The following PGM5 variants were observed in gnomAD, a reference collection of about 807,000 sequenced individuals.
PGM5 encodes the protein phosphoglucomutase-like protein 5.
In PGM5, 23 loss-of-function variants were observed where a neutral mutation model predicts 59.2. The observed-to-expected ratio is 0.39, with a 90% CI of 0.28 to 0.55. The LOEUF (loss-of-function observed/expected upper bound fraction) is 0.55. Ranked by LOEUF, PGM5 falls within the 20% of genes least tolerant of loss-of-function variation. PGM5 has a pLI of 0.66. For synonymous variants in PGM5, 214 were observed against 286.0 expected, an observed-to-expected ratio of 0.75 and a Z score of 2.54; for missense variants, 574 against 748.3, an observed-to-expected ratio of 0.77 and a Z score of 2.72.
At chr9:68,472,137 G>T (rs552473498) in intron 7 of PGM5, among the ~76,000 whole-genome samples, 2 of 152,224 alleles carry the variant, frequency 1.3e-5, no homozygotes, top group South Asian at 4.1e-4. Flanking sequence ...AGTGCCTCCT[G>T]TACTTTATTT....
At chr9:68,413,638 A>G (rs180715321) in intron 6 of PGM5, among the ~76,000 whole-genome samples, 1 of 152,230 alleles carries the variant, frequency 6.6e-6, no homozygotes, top group African/African-American at 2.4e-5. Flanking sequence ...GCATTCTTAT[A>G]TCAGTGCATC....
chr9:68,408,214 T>C (rs1197085416), intron 6 of PGM5, among the ~76,000 whole-genome samples: 1 of 152,128 alleles, frequency 6.6e-6, no homozygotes, highest in Non-Finnish European at 1.5e-5. Context: ...TAAGGTCGTT[T>C]GGATTTAAAG....
intron 7 of PGM5, chr9:68,466,338 C>G: frequency 2.6e-6 from 1 of 391,380 alleles, no homozygotes; most frequent in Non-Finnish European, 4.0e-6. Flanking sequence ...TGAAATTCCC[C>G]ATCTGTTTAT....
At chr9:68,462,585 G>C (rs1487030711) in intron 6 of PGM5, among the ~76,000 whole-genome samples, 6 of 152,030 alleles carry the variant, frequency 3.9e-5, no homozygotes, top group Non-Finnish European at 8.8e-5. Flanking sequence ...TGATTAATTG[G>C]AAAGGGTGGG....
chr9:68,424,054 C>T (rs1823192892), intron 6 of PGM5, among the ~76,000 whole-genome samples: 1 of 152,186 alleles, frequency 6.6e-6, no homozygotes, highest in Non-Finnish European at 1.5e-5. Context: ...GAACTCCTCT[C>T]TCCTCTCTAT....
At chr9:68,368,452 G>A (rs1554676884) in intron 1 of PGM5, among the ~76,000 whole-genome samples, 2 of 151,728 alleles carry the variant, frequency 1.3e-5, no homozygotes, top group East Asian at 1.9e-4. Context: ...CACAGATGGG[G>A]ACAATCAAAG....
At chr9:68,367,037 G>A (rs1387095048) in intron 1 of PGM5, among the ~76,000 whole-genome samples, 1 of 151,970 alleles carries the variant, frequency 6.6e-6, no homozygotes, top group Non-Finnish European at 1.5e-5. Context: ...AGGCTGAGGT[G>A]GCGACTGTTG....
intron 10 of PGM5, among the ~76,000 whole-genome samples, chr9:68,502,334 G>C (rs1554688715): frequency 6.6e-6 from 1 of 152,154 alleles, no homozygotes; most frequent in Non-Finnish European, 1.5e-5. Flanking sequence ...GAGCCAAAAG[G>C]GTTTAAAATC....
At chr9:68,512,674 C>G (rs760835053) in intron 10 of PGM5, among the ~76,000 whole-genome samples, 4 of 152,176 alleles carry the variant, frequency 2.6e-5, no homozygotes, top group Admixed American at 6.5e-5. Context: ...CCCTAATGAT[C>G]TCATTTTAAC....
intron 6 of PGM5, among the ~76,000 whole-genome samples, chr9:68,413,273 G>C (rs1250173311): frequency 6.6e-6 from 1 of 152,032 alleles, no homozygotes; most frequent in African/African-American, 2.4e-5. Flanking sequence ...AATTACGAGT[G>C]TAACAGTTCT....
intron 1 of PGM5, among the ~76,000 whole-genome samples, chr9:68,372,555 G>C (rs1821763605): frequency 6.6e-6 from 1 of 152,144 alleles, no homozygotes; most frequent in Non-Finnish European, 1.5e-5. Context: ...AGCCAGGTCA[G>C]CCTTGGTGAG....
At chr9:68,520,526 T>G (rs1401256787) in intron 10 of PGM5, among the ~76,000 whole-genome samples, 1 of 152,138 alleles carries the variant, frequency 6.6e-6, no homozygotes, top group Non-Finnish European at 1.5e-5. Context: ...CCACGCAACA[T>G]CAACTCAACG....
chr9:68,402,973 G>T (rs572138678), intron 6 of PGM5, among the ~76,000 whole-genome samples: 1 of 152,308 alleles, frequency 6.6e-6, no homozygotes, highest in East Asian at 1.9e-4. Flanking sequence ...TACCTGTCAT[G>T]CTGAGGGAAA....
chr9:68,483,803 A>G (rs1200520338), intron 8 of PGM5, 62 bp from the exon 9 acceptor site: 1 of 1,476,780 alleles, frequency 6.8e-7, no homozygotes, highest in Non-Finnish European at 9.4e-7. Context: ...AAATAACTGT[A>G]AGTGGGCCAC....
At chr9:68,511,853 G>C (rs1166333681) in intron 10 of PGM5, among the ~76,000 whole-genome samples, 1 of 152,164 alleles carries the variant, frequency 6.6e-6, no homozygotes, top group African/African-American at 2.4e-5. Context: ...CAATTGACTT[G>C]TCCTTTTCCC....
chr9:68,465,035 GA>G (rs3834885), intron 6 of PGM5, 57 bp from the exon 7 acceptor site: 72,388 of 1,106,332 alleles, frequency 0.065, 5,812 homozygotes, highest in African/African-American at 0.37. Context: ...ACTGTGCTGA[GA>G]AAAAAAAACA....
rs942611971 is a variant in PGM5 at position 68,479,657 on chromosome 9, G to T, written c.1295+104G>T. The stretch of plus-strand genomic sequence containing the variant: ...AACCTTAAAAAGGAGGCATCAGGCC[G>T]GGCGCGGTGGCTCACGCCTGTAATC... On this transcript the variant is annotated intron_variant, in intron 8 of 10. Transcript: ENST00000396396. The T allele has an allele frequency of 5.7e-6, 7 of 1,221,544 alleles. No individual in the cohort carries two copies. The African/African-American group carries it at 7.6e-5, about 13-fold the overall frequency. 75.7% of individuals were successfully genotyped at this position (1,221,544 alleles called of 1,614,324 possible). A position where few individuals can be genotyped will look rare whatever the true frequency, so the allele number is the denominator to read the frequency against.
At chr9:68,376,906 T>TTTTTTCTTTCTTTC (rs1563985098) in intron 1 of PGM5, among the ~76,000 whole-genome samples, 13 of 60,064 alleles carry the variant, frequency 2.2e-4, no homozygotes, top group African/African-American at 8.0e-4. Context: ...TTCTCTCTCT[T>TTTTTTCTTTCTTTC]TCTTTCTTTC....
intron 6 of PGM5, among the ~76,000 whole-genome samples, chr9:68,410,567 G>T (rs192219034): frequency 2.0e-5 from 3 of 150,862 alleles, no homozygotes; most frequent in Non-Finnish European, 3.0e-5. Flanking sequence ...ATGAGGAGGA[G>T]GAGGAGGAGG....
Sources: allele counts gnomAD v4.1 joint callset (sites outside exome capture counted in the v4.1 genomes callset), GRCh38; gene constraint gnomAD v4.1.1; transcripts MANE v1.5; gene names NCBI Gene and HGNC (gene_info 2026-07-23, HGNC 2026-07-21).